Variants in BLOC1S6 observed in about 807,000 individuals in gnomAD.
BLOC1S6 encodes biogenesis of lysosomal organelles complex 1 subunit 6.
Under a neutral mutation model 24.7 loss-of-function variants are expected in BLOC1S6, and 24 were observed. That is an observed-to-expected ratio of 0.97 (90% CI 0.70 to 1.37). BLOC1S6 has a LOEUF of 1.37. BLOC1S6 is among the 40% of genes most tolerant of loss of function. BLOC1S6 has a pLI of 0.00. For synonymous variants in BLOC1S6, 76 were observed against 72.6 expected (o/e 1.05, Z -0.23); for missense variants, 175 against 196.2 (o/e 0.89, Z 0.64).
intron 3 of BLOC1S6, among the ~76,000 whole-genome samples, chr15:45,604,689 A>C (rs570845681): frequency 6.6e-6 from 1 of 152,198 alleles, no homozygotes; most frequent in Non-Finnish European, 1.5e-5. Flanking sequence ...ACTTGCAGCT[A>C]CATTAAGGCT....
At chr15:45,595,855 T>A (rs932600415) in intron 2 of BLOC1S6, among the ~76,000 whole-genome samples, 1 of 152,234 alleles carries the variant, frequency 6.6e-6, no homozygotes, top group Non-Finnish European at 1.5e-5. Context: ...TTGCCCAGGC[T>A]GTAGTGCAAT....
chr15:45,597,811 AAGAC>A, intron 2 of BLOC1S6: 1 of 245,990 alleles, frequency 4.1e-6, no homozygotes, highest in South Asian at 3.5e-5. Flanking sequence ...TCTGGGAACA[AAGAC>A]AGTATTATTG....
upstream of BLOC1S6, chr15:45,587,241 A>G (rs1893703978): frequency 1.6e-6 from 1 of 627,630 alleles, no homozygotes; most frequent in Non-Finnish European, 2.9e-6. Flanking sequence ...GGGCCAGACG[A>G]CGATATCAGC....
intron 1 of BLOC1S6, among the ~76,000 whole-genome samples, chr15:45,589,844 A>C (rs1328617341): frequency 6.6e-6 from 1 of 152,020 alleles, no homozygotes; most frequent in Non-Finnish European, 1.5e-5. Flanking sequence ...AGAGAAAAAC[A>C]AAACAAACAA....
In BLOC1S6 at chr15:45,607,568, A is replaced by C. The variant is rs1894520409; in HGVS notation, c.*1054A>C. 1 of 152,218 alleles carries C rather than the reference A, an allele frequency of 6.6e-6. No homozygotes were observed. The highest frequency in any genetic ancestry group is 1.5e-5 in the Non-Finnish European group (1 of 68,072). The allele number at this position is 152,218 out of a possible 1,614,324, so 9.4% of individuals were successfully genotyped here. ...GGCGGGTGGATCATGAGGTCAAAAG[A>C]TTGAGACCATCCTGGCCAACATGGT... is the stretch of plus-strand genomic sequence containing the variant. On this transcript the variant is annotated 3_prime_UTR_variant, in exon 5 of 5. Coordinates refer to ENST00000220531, the MANE Select transcript of BLOC1S6 (RefSeq NM_012388.4).
chr15:45,593,002 C>G (rs749568784), intron 2 of BLOC1S6, among the ~76,000 whole-genome samples: 35 of 152,114 alleles, frequency 2.3e-4, no homozygotes, highest in Admixed American at 1.2e-3. Context: ...ACTTAAGAGG[C>G]CTTTATTAGG....
intron 1 of BLOC1S6, 26 bp from the exon 2 acceptor site, chr15:45,592,109 C>T: frequency 6.2e-7 from 1 of 1,613,278 alleles, no homozygotes; most frequent in Non-Finnish European, 8.5e-7. Flanking sequence ...TAAAAGGTTC[C>T]TAAATTTGAT....
At chr15:45,592,654 C>T (rs953735869) in intron 2 of BLOC1S6, among the ~76,000 whole-genome samples, 2 of 152,160 alleles carry the variant, frequency 1.3e-5, no homozygotes, top group Non-Finnish European at 2.9e-5. Context: ...TTTTCAGTTG[C>T]TGGTTCAAAT....
chr15:45,591,305 A>T (rs1005826743), intron 1 of BLOC1S6, among the ~76,000 whole-genome samples: 2 of 152,234 alleles, frequency 1.3e-5, no homozygotes, highest in Non-Finnish European at 2.9e-5. Context: ...AATTGAAAAC[A>T]TACTTTATTT....
At chr15:45,593,719 A>C (rs1337426348) in intron 2 of BLOC1S6, among the ~76,000 whole-genome samples, 1 of 152,198 alleles carries the variant, frequency 6.6e-6, no homozygotes, top group Non-Finnish European at 1.5e-5. Context: ...TTATCTTCTT[A>C]GGCACCCAGA....
chr15:45,595,551 T>C (rs1894041719), intron 2 of BLOC1S6, among the ~76,000 whole-genome samples: 2 of 152,314 alleles, frequency 1.3e-5, no homozygotes, highest in East Asian at 3.9e-4. Flanking sequence ...GTTTTGCAAA[T>C]ATTTTCTCCA....
chr15:45,602,273 G>A, intron 2 of BLOC1S6: 2 of 611,088 alleles, frequency 3.3e-6, no homozygotes, highest in South Asian at 1.9e-5. Context: ...CCCTGAGCCT[G>A]TTCGTTGTTA....
intron 2 of BLOC1S6, among the ~76,000 whole-genome samples, chr15:45,600,381 T>C (rs1459256495): frequency 6.6e-6 from 1 of 152,170 alleles, no homozygotes; most frequent in Non-Finnish European, 1.5e-5. Flanking sequence ...GGGACATAGC[T>C]TGTTCTAGTT....
chr15:45,597,045 T>C (rs1365844156), intron 2 of BLOC1S6, among the ~76,000 whole-genome samples: 1 of 152,254 alleles, frequency 6.6e-6, no homozygotes, highest in Non-Finnish European at 1.5e-5. Context: ...TCTTCAATGT[T>C]GTATTGGCTC....
Position 45,607,229 on chromosome 15 carries a change from G to A in BLOC1S6, c.*715G>A, listed in dbSNP as rs1894499493. On this transcript the variant is annotated 3_prime_UTR_variant, in exon 5 of 5. Coordinates refer to ENST00000220531, the MANE Select transcript of BLOC1S6 (RefSeq NM_012388.4). ...AAAAGTGCATGTACGGGAAATAACA[G>A]CACTTTAGGTGTAGTTCAGGTGAGC... The A allele has an allele frequency of 6.6e-6, 1 of 152,406 alleles. No homozygotes were observed. Among genetic ancestry groups the A allele is most frequent in the African/African-American group, 2.4e-5 (1 of 41,568 alleles). 9.4% of individuals were successfully genotyped at this position (152,406 alleles called of 1,614,324 possible).
intron 2 of BLOC1S6, among the ~76,000 whole-genome samples, chr15:45,602,064 GTGT>G (rs1226093883): frequency 6.6e-6 from 1 of 151,880 alleles, no homozygotes; most frequent in Non-Finnish European, 1.5e-5. Flanking sequence ...GTGTGTGTGT[GTGT>G]TTTTTTTGTT....
rs1458637548 is a variant in BLOC1S6 at position 45,589,935 on chromosome 15, T to A, written c.83-2200T>A. Among the ~76,000 whole-genome samples the A allele has an allele frequency of 2.6e-5, 4 of 152,298 alleles. No homozygotes were observed. In the East Asian group the frequency reaches 5.8e-4, roughly 22 times the overall value. On this transcript the variant is annotated intron_variant, in intron 1 of 4. Coordinates refer to ENST00000220531, the MANE Select transcript of BLOC1S6 (RefSeq NM_012388.4). ...TGGGAGGAGGGTTTGTGAGTTAAAATGTATGTATATATTGTTAAGCGAAGT... is the reference window on the plus strand; with the variant it reads ...TGGGAGGAGGGTTTGTGAGTTAAAAAGTATGTATATATTGTTAAGCGAAGT...
chr15:45,596,119 G>A (rs73420437), intron 2 of BLOC1S6, among the ~76,000 whole-genome samples: 14,486 of 151,466 alleles, frequency 0.096, 2,363 homozygotes, highest in African/African-American at 0.33. Context: ...GTTAATTTTT[G>A]TGGAGGCTTG....
rs749922579 is a variant in BLOC1S6 at position 45,608,493 on chromosome 15, C to T, written c.*1979C>T. The T allele has an allele frequency of 3.9e-5, 6 of 152,198 alleles. No individual in the cohort carries two copies. The highest frequency in any genetic ancestry group is 8.8e-5 in the Non-Finnish European group (6 of 68,042). 9.4% of individuals were successfully genotyped at this position (152,198 alleles called of 1,614,324 possible). On this transcript the variant is annotated 3_prime_UTR_variant, in exon 5 of 5. Transcript: ENST00000220531. ...CAGTGGTTGTTTAAAATGCTGGTTC[C>T]TGCACACAATTCTCTATCTACTGAA...
Sources: allele counts gnomAD v4.1 joint callset (sites outside exome capture counted in the v4.1 genomes callset), GRCh38; gene constraint gnomAD v4.1.1; transcripts MANE v1.5; gene names NCBI Gene and HGNC (gene_info 2026-07-23, HGNC 2026-07-21).